Variants in SHLD1 observed in about 807,000 individuals in gnomAD.
The protein encoded by SHLD1 is RINN1-REV7-interacting novel NHEJ regulator 3.
In SHLD1, 3 loss-of-function variants were observed where a neutral mutation model predicts 5.5. That is an observed-to-expected ratio of 0.54 (90% CI 0.25 to 1.40). SHLD1 has a LOEUF of 1.40. Ranked by LOEUF, SHLD1 falls within the 40% of genes most tolerant of loss-of-function variation. SHLD1 has a pLI of 0.15. For synonymous variants in SHLD1, 92 were observed against 94.3 expected (o/e 0.98, Z 0.14); for missense variants, 210 against 244.4 (o/e 0.86, Z 0.94).
At chr20:5,775,320 G>A (rs1985374095) in intron 2 of SHLD1, among the ~76,000 whole-genome samples, 2 of 152,118 alleles carry the variant, frequency 1.3e-5, no homozygotes, top group South Asian at 4.1e-4. Context: ...TGGGATAATG[G>A]GAGTGAGCAA....
intron 2 of SHLD1, among the ~76,000 whole-genome samples, chr20:5,828,762 T>C (rs1467109386): frequency 6.6e-6 from 1 of 152,248 alleles, no homozygotes; most frequent in Non-Finnish European, 1.5e-5. Flanking sequence ...TTTAGTAATT[T>C]TGAAGATGTG....
chr20:5,750,508 T>TGGGGGGGGGGGGGGGGGGGGGGGGG (rs1600076697), intron 1 of SHLD1, 29 bp downstream of exon 1: 1 of 23,282 alleles, frequency 4.3e-5, no homozygotes, highest in Admixed American at 5.4e-4. Context: ...GGGGGGGGGT[T>TGGGGGGGGGGGGGGGGGGGGGGGGG]GGAGTGGTGG....
intron 2 of SHLD1, among the ~76,000 whole-genome samples, chr20:5,862,054 T>C (rs1234108446): frequency 2.0e-5 from 3 of 152,148 alleles, no homozygotes; most frequent in African/African-American, 7.2e-5. Context: ...CTCTTCCTCC[T>C]CTTATAAGGA....
chr20:5,848,618 A>G (rs1600176695), intron 2 of SHLD1, among the ~76,000 whole-genome samples: 1 of 152,328 alleles, frequency 6.6e-6, no homozygotes, highest in East Asian at 1.9e-4. Flanking sequence ...CAATGTGTTC[A>G]TTGCCAATTT....
rs192628455 is a variant in SHLD1 at position 5,756,138 on chromosome 20, C to A, written c.-5+5659C>A. On this transcript the variant is annotated intron_variant, in intron 1 of 2. Transcript: ENST00000303142. Reference sequence around the variant, plus strand: ...AAGTATAAGGAGGCATCTCTGACCCCCCTTTCCATCATCGCCTGAACTAGT... The same window carrying A: ...AAGTATAAGGAGGCATCTCTGACCCACCTTTCCATCATCGCCTGAACTAGT... Among the ~76,000 whole-genome samples the A allele has an allele frequency of 1.5e-4, 23 of 152,036 alleles. No homozygotes were observed. In the East Asian group the frequency reaches 2.9e-3, roughly 19 times the overall value.
At chr20:5,750,394 C>G (rs562000860), upstream of SHLD1, 1 of 151,630 alleles carries the variant, frequency 6.6e-6, no homozygotes, top group Non-Finnish European at 1.5e-5. Flanking sequence ...GGCGCCATTG[C>G]TTCCGCGTTC....
intron 2 of SHLD1, among the ~76,000 whole-genome samples, chr20:5,845,713 A>C (rs2087925279): frequency 6.6e-6 from 1 of 152,058 alleles, no homozygotes; most frequent in South Asian, 2.1e-4. Context: ...TACATTATTT[A>C]CAGATTTCAC....
chr20:5,854,870 C>CTTTTTTTT (rs1568532959), intron 2 of SHLD1, among the ~76,000 whole-genome samples: 1 of 18,146 alleles, frequency 5.5e-5, no homozygotes, highest in South Asian at 4.9e-3. Context: ...GTCTCTATGA[C>CTTTTTTTT]TCTTTTTTTT....
chr20:5,825,859 T>G (rs1396112238), intron 2 of SHLD1, among the ~76,000 whole-genome samples: 1 of 152,256 alleles, frequency 6.6e-6, no homozygotes, highest in Non-Finnish European at 1.5e-5. Context: ...TAAATGATAT[T>G]GATCAATATT....
intron 2 of SHLD1, among the ~76,000 whole-genome samples, chr20:5,786,257 G>T (rs1439369414): frequency 6.6e-6 from 1 of 152,116 alleles, no homozygotes; most frequent in Admixed American, 6.5e-5. Flanking sequence ...TTTTCCCTCT[G>T]CCTTTCTGGG....
rs1248853721 is a variant in SHLD1, at chr20:5,853,926, ACCT to A, written c.179-9094_179-9092del. ...GTGACCACTGCTCACTGCAGCCTCCACCTCCTAGCCTCAAGCAATCTTCCTGCC... is the reference window on the plus strand; with the variant it reads ...GTGACCACTGCTCACTGCAGCCTCCACCTAGCCTCAAGCAATCTTCCTGCC... On this transcript the variant is annotated intron_variant, in intron 2 of 2. Coordinates refer to ENST00000303142, the MANE Select transcript of SHLD1 (RefSeq NM_152504.4). Among the ~76,000 whole-genome samples the A allele has an allele frequency of 2.7e-5, 4 of 145,920 alleles. No homozygotes were observed. The Admixed American group carries it at 2.8e-4, about 10-fold the overall frequency.
chr20:5,788,517 CTA>C (rs925006622), intron 2 of SHLD1, among the ~76,000 whole-genome samples: 1 of 152,232 alleles, frequency 6.6e-6, no homozygotes, highest in Non-Finnish European at 1.5e-5. Context: ...CGAGTTCTTG[CTA>C]TCAGACAGTG....
At chr20:5,834,738 T>C (rs1157127101) in intron 2 of SHLD1, among the ~76,000 whole-genome samples, 4 of 152,208 alleles carry the variant, frequency 2.6e-5, no homozygotes, top group Non-Finnish European at 4.4e-5. Context: ...CTGTAGATTA[T>C]GTGGCTTATA....
Position 5,796,906 on chromosome 20 carries a change from T to C in SHLD1, c.178+23863T>C, listed in dbSNP as rs553794104. On this transcript the variant is annotated intron_variant, in intron 2 of 2. Coordinates refer to ENST00000303142, the MANE Select transcript of SHLD1 (RefSeq NM_152504.4). ...AGTTTTACAGTCTACAGTTTTAGAC[T>C]GTAAATCGGCATATCACTTTTCAAA... Among the ~76,000 whole-genome samples the C allele has an allele frequency of 1.5e-3, 234 of 151,880 alleles. 1 individual carries two copies. The highest frequency in any genetic ancestry group is 5.5e-3 in the African/African-American group (226 of 41,394).
Position 5,785,285 on chromosome 20 carries a change from G to A in SHLD1, c.178+12242G>A, listed in dbSNP as rs577230302. Among the ~76,000 whole-genome samples, 11 of 152,230 alleles carry A rather than the reference G, an allele frequency of 7.2e-5. No individual in the cohort carries two copies. The East Asian group carries it at 7.7e-4, about 11-fold the overall frequency. Reference sequence around the variant, plus strand: ...GCACTGTGCTATGCATTTCACACACGTTGTTCTTTTGATTCTCACAGCCAC... The same window carrying A: ...GCACTGTGCTATGCATTTCACACACATTGTTCTTTTGATTCTCACAGCCAC... On this transcript the variant is annotated intron_variant, in intron 2 of 2. Coordinates refer to ENST00000303142, the MANE Select transcript of SHLD1 (RefSeq NM_152504.4).
At chr20:5,860,621 G>A (rs1290659809) in intron 2 of SHLD1, among the ~76,000 whole-genome samples, 2 of 152,062 alleles carry the variant, frequency 1.3e-5, no homozygotes, top group Admixed American at 6.6e-5. Context: ...TGTCATGGCT[G>A]TTTTAGCCTC....
intron 1 of SHLD1, among the ~76,000 whole-genome samples, chr20:5,755,075 A>G (rs968445436): frequency 5.3e-5 from 8 of 151,868 alleles, no homozygotes; most frequent in Non-Finnish European, 1.0e-4. Context: ...AAAAGAAAAA[A>G]GAAGAGAAAT....
At chr20:5,755,703 G>C (rs1984047039) in intron 1 of SHLD1, among the ~76,000 whole-genome samples, 1 of 151,968 alleles carries the variant, frequency 6.6e-6, no homozygotes, top group Non-Finnish European at 1.5e-5. Flanking sequence ...GGGATTACAG[G>C]CACGCACCAC....
intron 2 of SHLD1, among the ~76,000 whole-genome samples, chr20:5,821,704 G>GGTC (rs2122413584): frequency 6.6e-6 from 1 of 152,250 alleles, no homozygotes; most frequent in South Asian, 2.1e-4. Context: ...CTGTCATGAG[G>GGTC]TGGCCGCCAA....
Sources: allele counts gnomAD v4.1 joint callset (sites outside exome capture counted in the v4.1 genomes callset), GRCh38; gene constraint gnomAD v4.1.1; transcripts MANE v1.5; gene names NCBI Gene and HGNC (gene_info 2026-07-23, HGNC 2026-07-21).